NLGN1: variants seen among roughly 807,000 people sequenced by gnomAD.
NLGN1 encodes the protein neuroligin 1, also known as neuroligin-1.
In NLGN1, 12 loss-of-function variants were observed where a neutral mutation model predicts 65.5. The observed-to-expected ratio is 0.18, with a 90% confidence interval of 0.12 to 0.30. NLGN1 has a LOEUF of 0.30. NLGN1 is among the 10% of genes least tolerant of loss of function. The probability of loss-of-function intolerance (pLI) is 1.00; values close to 1 mark genes in which losing one functional copy is unlikely to be tolerated. For synonymous variants in NLGN1, 350 were observed against 359.5 expected (o/e 0.97, Z 0.30); for missense variants, 750 against 1,007.1 (o/e 0.74, Z 3.46).
chr3:174,066,562 C>CTGTGTGTGTGTGTG (rs1401534201), intron 4 of NLGN1, among the ~76,000 whole-genome samples: 11 of 129,864 alleles, frequency 8.5e-5, no homozygotes, highest in African/African-American at 3.5e-4. Flanking sequence ...CTCTCTCTCT[C>CTGTGTGTGTGTGTG]TCTGTGTGTG....
chr3:173,683,951 C>A (rs561427519), intron 3 of NLGN1, among the ~76,000 whole-genome samples: 1 of 151,946 alleles, frequency 6.6e-6, no homozygotes, highest in East Asian at 1.9e-4. Context: ...GATTCCAAAG[C>A]CAAAGCTATC....
intron 4 of NLGN1, among the ~76,000 whole-genome samples, chr3:173,955,667 A>ATT (rs1711827574): frequency 6.6e-6 from 1 of 152,214 alleles, no homozygotes. Flanking sequence ...TATAAACAAG[A>ATT]AACTGGAGAA....
At chr3:174,014,254 G>A (rs553802373) in intron 4 of NLGN1, among the ~76,000 whole-genome samples, 1 of 152,262 alleles carries the variant, frequency 6.6e-6, no homozygotes, top group African/African-American at 2.4e-5. Context: ...ACATTGTTGT[G>A]TTAATAAGCA....
Position 173,490,031 on chromosome 3 carries a change from A to G in NLGN1, c.-321+54953A>G, listed in dbSNP as rs563200755. On this transcript the variant is annotated intron_variant, in intron 2 of 6. Transcript: ENST00000457714. The stretch of plus-strand genomic sequence containing the variant: ...TTGCAAACATTTTCTCCCATTCTGT[A>G]GGTTGCCTGTTCACTCTGATGGTAG... Among the ~76,000 whole-genome samples the G allele has an allele frequency of 8.3e-4, 127 of 152,216 alleles. 1 individual carries two copies. Among genetic ancestry groups the G allele is most frequent in the Middle Eastern group, 3.4e-3 (1 of 294 alleles).
At chr3:173,601,328 G>C (rs1750510359) in intron 2 of NLGN1, among the ~76,000 whole-genome samples, 1 of 151,980 alleles carries the variant, frequency 6.6e-6, no homozygotes, top group African/African-American at 2.4e-5. Flanking sequence ...CCTTACCACA[G>C]GTTATCCGTC....
intron 4 of NLGN1, among the ~76,000 whole-genome samples, chr3:174,178,510 C>T (rs961671240): frequency 3.3e-5 from 5 of 151,972 alleles, no homozygotes; most frequent in Non-Finnish European, 5.9e-5. Flanking sequence ...GCAGTAAATC[C>T]GGTGCTTAAA....
intron 4 of NLGN1, among the ~76,000 whole-genome samples, chr3:173,880,062 T>C (rs1732920111): frequency 1.3e-5 from 2 of 152,180 alleles, no homozygotes; most frequent in South Asian, 2.1e-4. Context: ...CTTAAAAATA[T>C]ATTGTGTGTG....
At chr3:174,281,356 T>G in exon 7 of NLGN1, 1 of 1,160,102 alleles carries the variant, frequency 8.6e-7, no homozygotes, top group Non-Finnish European at 1.2e-6. Flanking sequence ...AAACGATCAC[T>G]GAAGATTCCT....
At chr3:174,117,936 A>C (rs1014579079) in intron 4 of NLGN1, among the ~76,000 whole-genome samples, 1 of 152,204 alleles carries the variant, frequency 6.6e-6, no homozygotes, top group Non-Finnish European at 1.5e-5. Context: ...ATCTGAACTA[A>C]TCTGGCTTCA....
intron 4 of NLGN1, among the ~76,000 whole-genome samples, chr3:174,189,904 G>C (rs1238249177): frequency 6.6e-6 from 1 of 152,008 alleles, no homozygotes; most frequent in Non-Finnish European, 1.5e-5. Flanking sequence ...CTGCCCTCCA[G>C]GGCCATTTTT....
chr3:173,998,534 G>T (rs1282434225), intron 4 of NLGN1, among the ~76,000 whole-genome samples: 1 of 152,138 alleles, frequency 6.6e-6, no homozygotes, highest in African/African-American at 2.4e-5. Context: ...TTTTATTAAA[G>T]CCCAAATTAT....
intron 3 of NLGN1, among the ~76,000 whole-genome samples, chr3:173,753,451 C>T (rs1456645111): frequency 6.6e-6 from 1 of 152,258 alleles, no homozygotes. Context: ...TCCTCTCATA[C>T]ACCATATCTA....
At chr3:173,712,258 G>A (rs1015298097) in intron 3 of NLGN1, among the ~76,000 whole-genome samples, 6 of 152,086 alleles carry the variant, frequency 3.9e-5, no homozygotes, top group African/African-American at 1.4e-4. Context: ...TGGATTTCCA[G>A]ATAAGGATAC....
At chr3:173,799,640 T>G (rs767785683) in intron 3 of NLGN1, among the ~76,000 whole-genome samples, 6 of 151,986 alleles carry the variant, frequency 3.9e-5, no homozygotes, top group Non-Finnish European at 8.8e-5. Context: ...TGAGACTATT[T>G]AGTGATACAT....
At chr3:173,423,895 G>T (rs558941562) in intron 1 of NLGN1, among the ~76,000 whole-genome samples, 17 of 152,246 alleles carry the variant, frequency 1.1e-4, no homozygotes, top group Non-Finnish European at 1.8e-4. Context: ...TTTCCCTTCC[G>T]CACTTCCGTA....
downstream of NLGN1, among the ~76,000 whole-genome samples, chr3:174,287,304 C>A (rs1369286938): frequency 1.3e-5 from 2 of 151,262 alleles, no homozygotes; most frequent in African/African-American, 4.8e-5. Flanking sequence ...AAGAGGACAT[C>A]ATATAATTTC....
intron 2 of NLGN1, among the ~76,000 whole-genome samples, chr3:173,544,390 T>A (rs1739417212): frequency 6.6e-6 from 1 of 151,742 alleles, no homozygotes; most frequent in Non-Finnish European, 1.5e-5. Context: ...GATGTGGCAA[T>A]CATGACAGAG....
At chr3:173,659,617 G>T (rs193239625) in intron 3 of NLGN1, among the ~76,000 whole-genome samples, 338 of 151,824 alleles carry the variant, frequency 2.2e-3, no homozygotes, top group Middle Eastern at 6.8e-3. Flanking sequence ...AACATATTGG[G>T]TTTATTATAT....
At chr3:174,092,653 T>C (rs1393604821) in intron 4 of NLGN1, among the ~76,000 whole-genome samples, 2 of 152,108 alleles carry the variant, frequency 1.3e-5, no homozygotes, top group African/African-American at 2.4e-5. Flanking sequence ...TTATTATTAT[T>C]ATTTTACTTC....
Sources: gnomAD v4.1 joint callset for allele counts (sites outside exome capture counted in the v4.1 genomes callset) on GRCh38, gnomAD v4.1.1 for gene constraint, MANE v1.5 for transcripts, NCBI Gene and HGNC (gene_info 2026-07-23, HGNC 2026-07-21) for gene names.